RTN4R: variants seen among roughly 807,000 people sequenced by gnomAD.
RTN4R encodes the protein reticulon-4 receptor.
Under a neutral mutation model 27.7 loss-of-function variants are expected in RTN4R, and 4 were observed. That is an observed-to-expected ratio of 0.14 (90% confidence interval 0.07 to 0.33). The LOEUF is 0.33. Ranked by LOEUF, RTN4R falls within the 10% of genes least tolerant of loss-of-function variation. The probability of loss-of-function intolerance (pLI) is 1.00; values close to 1 mark genes in which losing one functional copy is unlikely to be tolerated. For missense variants in RTN4R, 554 were observed against 671.5 expected, an observed-to-expected ratio of 0.83 and a Z score of 1.93; for synonymous variants, 290 against 305.6, an observed-to-expected ratio of 0.95 and a Z score of 0.53.
chr22:20,262,704 C>T (rs1214716956), intron 1 of RTN4R, among the ~76,000 whole-genome samples: 1 of 152,242 alleles, frequency 6.6e-6, no homozygotes, highest in African/African-American at 2.4e-5. Context: ...GAGCTGGGAA[C>T]ACCACCTCTG....
chr22:20,267,274 C>T (rs1012924824), intron 1 of RTN4R, among the ~76,000 whole-genome samples: 11 of 152,254 alleles, frequency 7.2e-5, no homozygotes, highest in African/African-American at 2.7e-4. Flanking sequence ...CCTGCGGCAC[C>T]ATGGACATCA....
intron 1 of RTN4R, among the ~76,000 whole-genome samples, chr22:20,258,814 G>C (rs762090940): frequency 8.5e-5 from 13 of 152,196 alleles, no homozygotes; most frequent in Non-Finnish European, 1.0e-4. Context: ...TGCCTGCAGG[G>C]GGCAGTAGCA....
intron 1 of RTN4R, among the ~76,000 whole-genome samples, chr22:20,246,184 G>A (rs573516589): frequency 6.6e-6 from 1 of 152,322 alleles, no homozygotes; most frequent in African/African-American, 2.4e-5. Flanking sequence ...TCAGGGGAGG[G>A]CTGGCTCTCC....
intron 1 of RTN4R, among the ~76,000 whole-genome samples, chr22:20,248,693 G>C (rs1003460537): frequency 6.6e-6 from 1 of 152,172 alleles, no homozygotes; most frequent in African/African-American, 2.4e-5. Context: ...CAGCCACCCT[G>C]CTGCATGGCA....
intron 1 of RTN4R, among the ~76,000 whole-genome samples, chr22:20,254,012 A>C (rs2051199001): frequency 6.6e-6 from 1 of 152,130 alleles, no homozygotes; most frequent in African/African-American, 2.4e-5. Flanking sequence ...CTAGCAAAGA[A>C]ACAATACCAG....
At position 20,242,667 on chromosome 22, in the gene RTN4R, G is replaced by C; in HGVS notation, c.466C>G (p.Leu156Val). The change falls in exon 2 of 2, where the codon CTG becomes GTG. Residue 156 changes from leucine to valine, a missense_variant. This residue lies in a region of RTN4R where 413 missense variants were observed against 542.3 expected (regional missense o/e 0.76). Coordinates refer to ENST00000043402, the MANE Select transcript of RTN4R (RefSeq NM_023004.6). ...TTGTCCTGCAGGTAGAGGTACTGCA[G>C]GGCAGCCAGGCCGCGGAACAGCCCC... ...GPGLFRGLAALQYLYLQDNAL... is the reference protein window; with the variant it reads ...GPGLFRGLAAVQYLYLQDNAL... 6.2e-7 allele frequency: 1 copy of C among 1,612,548 alleles called. No homozygotes were observed. Among genetic ancestry groups the C allele is most frequent in the South Asian group, 1.1e-5 (1 of 91,048 alleles).
intron 1 of RTN4R, 49 bp downstream of exon 1, chr22:20,268,022 C>T (rs1049337490): frequency 2.7e-6 from 3 of 1,117,274 alleles, no homozygotes; most frequent in African/African-American, 1.7e-5. Flanking sequence ...GAGCCGCCCC[C>T]CTCCGCGCCC....
chr22:20,249,455 C>A (rs1366283288), intron 1 of RTN4R, among the ~76,000 whole-genome samples: 1 of 152,216 alleles, frequency 6.6e-6, no homozygotes, highest in Non-Finnish European at 1.5e-5. Context: ...CAAGGCTGAC[C>A]ACTGCCTGTG....
In RTN4R at chr22:20,242,912, G is replaced by A; in HGVS notation, c.221C>T (p.Ala74Val). 2 of 1,611,658 alleles carry A rather than the reference G, an allele frequency of 1.2e-6. No individual in the cohort carries two copies. Among genetic ancestry groups the A allele is most frequent in the Non-Finnish European group, 1.7e-6 (2 of 1,179,318 alleles). ...GTTGCGGCAGGCACGGAAGCTGGCAGCTGGCACATGCGAGATGCGGTTGCC... is the reference window on the plus strand; with the variant it reads ...GTTGCGGCAGGCACGGAAGCTGGCAACTGGCACATGCGAGATGCGGTTGCC... ...LHGNRISHVP[A>V]ASFRACRNLT... The change falls in exon 2 of 2, where the codon GCT (alanine) becomes GTT (valine). Residue 74 changes from alanine (A) to valine (V), a missense_variant. By Grantham distance (64) the Ala-to-Val change is moderately conservative. Transcript: ENST00000043402.
chr22:20,251,031 T>C (rs1444933907), intron 1 of RTN4R, among the ~76,000 whole-genome samples: 1 of 152,150 alleles, frequency 6.6e-6, no homozygotes, highest in Non-Finnish European at 1.5e-5. Context: ...TTAACTGAGG[T>C]AGGGGGTCTC....
At chr22:20,253,953 GAACATCCA>G (rs2051198657) in intron 1 of RTN4R, among the ~76,000 whole-genome samples, 1 of 152,154 alleles carries the variant, frequency 6.6e-6, no homozygotes, top group Non-Finnish European at 1.5e-5. Flanking sequence ...AATATAGGTT[GAACATCCA>G]AGGGGAGTTC....
intron 1 of RTN4R, among the ~76,000 whole-genome samples, chr22:20,251,589 T>A (rs2051177254): frequency 1.5e-5 from 2 of 132,402 alleles, no homozygotes; most frequent in African/African-American, 5.8e-5. Flanking sequence ...TCACCACCAC[T>A]ATCATCATTA....
intron 1 of RTN4R, among the ~76,000 whole-genome samples, chr22:20,258,374 G>A (rs2051224422): frequency 6.6e-6 from 1 of 152,128 alleles, no homozygotes; most frequent in African/African-American, 2.4e-5. Context: ...TTCCTCGTCT[G>A]CACCACTGCC....
intron 1 of RTN4R, among the ~76,000 whole-genome samples, chr22:20,244,736 G>A (rs2051129972): frequency 6.6e-6 from 1 of 152,182 alleles, no homozygotes; most frequent in African/African-American, 2.4e-5. Flanking sequence ...AGGGAAAACT[G>A]TGCTATGTAA....
rs1161271372 is a variant in RTN4R at position 20,268,054 on chromosome 22, G to A, written c.22+17C>T. ...GCCCCGCCGCCGGCCGGGCTCGGGT[G>A]CAGCGCGGACACTCACCTCCAGCGG... On this transcript the variant is annotated intron_variant, in intron 1 of 1. Coordinates refer to ENST00000043402, the MANE Select transcript of RTN4R (RefSeq NM_023004.6). The A allele has an allele frequency of 8.5e-7, 1 of 1,179,318 alleles. No individual in the cohort carries two copies. The allele number at this position is 1,179,318 out of a possible 1,614,324, so 73.1% of individuals were successfully genotyped here. A position where few individuals can be genotyped will look rare whatever the true frequency, so the allele number is the denominator to read the frequency against.
chr22:20,253,591 G>T (rs931016465), intron 1 of RTN4R, among the ~76,000 whole-genome samples: 1 of 152,180 alleles, frequency 6.6e-6, no homozygotes, highest in Non-Finnish European at 1.5e-5. Context: ...CAGCCAACCA[G>T]CTTCCCTCAT....
At chr22:20,251,068 C>T (rs1011205304) in intron 1 of RTN4R, among the ~76,000 whole-genome samples, 1 of 152,168 alleles carries the variant, frequency 6.6e-6, no homozygotes, top group Non-Finnish European at 1.5e-5. Flanking sequence ...CCATGCCAGT[C>T]CACCCACCTT....
chr22:20,242,779 G>T lies in RTN4R; in HGVS notation c.354C>A (p.Leu118=). 6.2e-7 allele frequency: 1 copy of T among 1,612,888 alleles called. No individual in the cohort carries two copies. The highest frequency in any genetic ancestry group is 8.5e-7 in the Non-Finnish European group (1 of 1,179,876). The change falls in exon 2 of 2, where the codon CTC becomes CTA. Residue 118 remains leucine, a synonymous_variant. Coordinates refer to ENST00000043402, the MANE Select transcript of RTN4R (RefSeq NM_023004.6). Reference sequence around the variant, plus strand: ...GGAATGTGGCAGGGTCCACAGACCGGAGCTGTGCATTATCGCTGAGGTCCA... The same window carrying T: ...GGAATGTGGCAGGGTCCACAGACCGTAGCTGTGCATTATCGCTGAGGTCCA... The part of the protein sequence containing the change: ...EQLDLSDNAQ[L]RSVDPATFHG...
intron 1 of RTN4R, among the ~76,000 whole-genome samples, chr22:20,260,925 C>T (rs573022287): frequency 5.0e-4 from 76 of 152,252 alleles, no homozygotes; most frequent in Non-Finnish European, 9.0e-4. Flanking sequence ...GCCTCCCCTC[C>T]GGACTCCACA....
Sources: gnomAD v4.1 joint callset for allele counts (sites outside exome capture counted in the v4.1 genomes callset) on GRCh38, gnomAD v4.1.1 for gene constraint, gnomAD v4.1.1 regional missense constraint, MANE v1.5 for transcripts, NCBI Gene and HGNC (gene_info 2026-07-23, HGNC 2026-07-21) for gene names.